The following RORA variants were observed in gnomAD, a reference collection of about 807,000 sequenced individuals.
RORA encodes the protein nuclear receptor ROR-alpha.
In RORA, 7 loss-of-function variants were observed where a neutral mutation model predicts 69.5. That is an observed-to-expected ratio of 0.10 (90% CI 0.06 to 0.19). RORA has a LOEUF of 0.19. Among genes scored for constraint, RORA ranks in the 10% least tolerant of loss-of-function variants. The pLI, the probability that RORA is intolerant of heterozygous loss-of-function variation, is 1.00. For missense variants in RORA, 457 were observed against 663.0 expected (o/e 0.69, Z 3.41); for synonymous variants, 261 against 240.8 (o/e 1.08, Z -0.78).
At position 61,147,766 on chromosome 15, in the gene RORA, C is replaced by CGTGTGT. The variant is rs10523030; in HGVS notation, c.166+81281_166+81286dup. Among the ~76,000 whole-genome samples, 3,319 of 147,650 alleles carry CGTGTGT rather than the reference C, an allele frequency of 0.022. 44 individuals carry two copies. The highest frequency in any genetic ancestry group is 0.08 in the Middle Eastern group (23 of 288). On this transcript the variant is annotated intron_variant, in intron 1 of 10. Coordinates refer to ENST00000335670, the MANE Select transcript of RORA (RefSeq NM_134261.3). The surrounding 1 kb of genome is among the most constrained non-coding windows in gnomAD (Gnocchi z 4.1). ...TGGTCAGTAGGCACGTGCGCACACG[C>CGTGTGT]GTGTGTGTGTGTGTGTGTGTGTGTG...
intron 2 of RORA, among the ~76,000 whole-genome samples, chr15:60,673,931 G>T (rs1444691602): frequency 6.6e-6 from 1 of 152,228 alleles, no homozygotes; most frequent in Non-Finnish European, 1.5e-5. Context: ...ATAGCTGGTA[G>T]CCTTGGTAAG....
intron 2 of RORA, among the ~76,000 whole-genome samples, chr15:60,629,520 A>G (rs1275391507): frequency 6.6e-6 from 1 of 152,236 alleles, no homozygotes; most frequent in Non-Finnish European, 1.5e-5. Flanking sequence ...GTCTTGCTGT[A>G]TCAATGAATG....
chr15:60,513,623 T>C (rs1399794184), intron 4 of RORA, among the ~76,000 whole-genome samples: 19 of 152,204 alleles, frequency 1.2e-4, no homozygotes, highest in Non-Finnish European at 1.0e-4. Context: ...CACAGGAATT[T>C]CTGAGAATAT....
In RORA at chr15:60,903,551, G is replaced by A. The variant is rs1406336112; in HGVS notation, c.167-224865C>T. On this transcript the variant is annotated intron_variant, in intron 1 of 10. Transcript: ENST00000335670. The stretch of plus-strand genomic sequence containing the variant: ...CCAAAGCACACGATAGGGTACCAAT[G>A]TTCAAGGCTCTGCTTTATTTTGAAA... Among the ~76,000 whole-genome samples the A allele has an allele frequency of 2.6e-5, 4 of 152,174 alleles. No homozygotes were observed. The East Asian group carries it at 5.8e-4, about 22-fold the overall frequency.
At chr15:60,601,861 A>G (rs1459265230) in intron 2 of RORA, among the ~76,000 whole-genome samples, 1 of 152,130 alleles carries the variant, frequency 6.6e-6, no homozygotes, top group Admixed American at 6.5e-5. Context: ...CAGTACATAC[A>G]TAGCCCTGGG....
rs1891510530 is a variant in RORA, at chr15:60,905,457, A to G, written c.167-226771T>C. On this transcript the variant is annotated intron_variant, in intron 1 of 10. Coordinates refer to ENST00000335670, the MANE Select transcript of RORA (RefSeq NM_134261.3). The surrounding 1 kb of genome is among the most constrained non-coding windows in gnomAD (Gnocchi z 4.8). ...CCACTGTGCTTCCTTTCAAGTGACA[A>G]GAGTTGTGACAGCTGCTCTATAAGG... Among the ~76,000 whole-genome samples the G allele has an allele frequency of 6.6e-6, 1 of 152,132 alleles. No individual in the cohort carries two copies. Among genetic ancestry groups the G allele is most frequent in the East Asian group, 1.9e-4 (1 of 5,188 alleles).
chr15:60,503,780 G>T, intron 6 of RORA, 113 bp from the exon 7 acceptor site: 1 of 1,242,066 alleles, frequency 8.1e-7, no homozygotes, highest in Non-Finnish European at 1.1e-6. Context: ...GGGCCACGAA[G>T]AGTGGCAAAG....
intron 1 of RORA, among the ~76,000 whole-genome samples, chr15:61,066,692 T>C (rs2078264652): frequency 6.6e-6 from 1 of 151,718 alleles, no homozygotes; most frequent in Non-Finnish European, 1.5e-5. Flanking sequence ...CCTCCCAAAG[T>C]GCTGGGATTA....
intron 2 of RORA, among the ~76,000 whole-genome samples, chr15:60,593,710 T>G (rs1349447933): frequency 2.6e-5 from 4 of 152,208 alleles, no homozygotes; most frequent in African/African-American, 9.7e-5. Context: ...TGCGGTTCCT[T>G]CACGAAATTT....
chr15:60,896,861 G>T (rs144698564), intron 1 of RORA, among the ~76,000 whole-genome samples: 8 of 151,532 alleles, frequency 5.3e-5, no homozygotes, highest in African/African-American at 1.9e-4. Context: ...TAACCTCTAA[G>T]AGGCTCAGCT....
chr15:61,140,785 G>GA (rs2079290498), intron 1 of RORA, among the ~76,000 whole-genome samples: 1 of 152,142 alleles, frequency 6.6e-6, no homozygotes, highest in Non-Finnish European at 1.5e-5. Context: ...CAGTGGCGGG[G>GA]GGTCAGGGGG....
chr15:60,531,969 T>C lies in RORA; in HGVS notation c.197-118A>G, dbSNP rs1037542336. 1.7e-6 allele frequency: 1 copy of C among 593,736 alleles called. No homozygotes were observed. The highest frequency in any genetic ancestry group is 2.0e-5 in the African/African-American group (1 of 50,944). 36.8% of individuals were successfully genotyped at this position (593,736 alleles called of 1,614,324 possible). ...TAACCTGCTAAACATTATACTGCAT[T>C]AACTATTCATTGCTGAACTGTGAGG... On this transcript the variant is annotated intron_variant, in intron 2 of 10. Coordinates refer to ENST00000335670, the MANE Select transcript of RORA (RefSeq NM_134261.3). The surrounding 1 kb of genome is among the most constrained non-coding windows in gnomAD (Gnocchi z 4.8).
In RORA at chr15:60,787,600, T is replaced by C. The variant is rs1052726863; in HGVS notation, c.167-108914A>G. Among the ~76,000 whole-genome samples, 4 of 152,326 alleles carry C rather than the reference T, an allele frequency of 2.6e-5. No homozygotes were observed. The South Asian group carries it at 8.3e-4, about 32-fold the overall frequency. Reference sequence around the variant, plus strand: ...TTCTGCAACCCATACTGAGCACTTATAAAGGCCAGGCCCTGTGAGAGATAC... The same window carrying C: ...TTCTGCAACCCATACTGAGCACTTACAAAGGCCAGGCCCTGTGAGAGATAC... On this transcript the variant is annotated intron_variant, in intron 1 of 10. Transcript: ENST00000335670.
At chr15:61,197,316 A>G (rs568253370) in intron 1 of RORA, among the ~76,000 whole-genome samples, 18 of 152,240 alleles carry the variant, frequency 1.2e-4, no homozygotes, top group Non-Finnish European at 2.4e-4. Context: ...GTTGCCTTAC[A>G]GGGAGAACAA....
intron 1 of RORA, among the ~76,000 whole-genome samples, chr15:61,161,848 A>T (rs2079498734): frequency 6.6e-6 from 1 of 152,184 alleles, no homozygotes; most frequent in Non-Finnish European, 1.5e-5. Context: ...GGGTCCAAAT[A>T]AAAATACAAT....
chr15:60,499,359 C>A (rs558922693), intron 10 of RORA, among the ~76,000 whole-genome samples: 1 of 152,044 alleles, frequency 6.6e-6, no homozygotes, highest in Non-Finnish European at 1.5e-5. Flanking sequence ...TAGCAAGATA[C>A]CCATCTCTAC....
In RORA at chr15:61,138,715, G is replaced by C. The variant is rs539080093; in HGVS notation, c.166+90338C>G. Reference sequence around the variant, plus strand: ...TCTGTGGAACGTCTGTGCCCCTCGGGACATCAAGAGGTGCTCTGAGGGGGA... The same window carrying C: ...TCTGTGGAACGTCTGTGCCCCTCGGCACATCAAGAGGTGCTCTGAGGGGGA... On this transcript the variant is annotated intron_variant, in intron 1 of 10. Coordinates refer to ENST00000335670, the MANE Select transcript of RORA (RefSeq NM_134261.3). 1.8e-4 allele frequency among the ~76,000 whole-genome samples: 27 copies of C among 152,044 alleles called. No individual in the cohort carries two copies. In the East Asian group the frequency reaches 4.6e-3, roughly 26 times the overall value.
rs1567071311 is a variant in RORA at position 60,540,567 on chromosome 15, C to CT, written c.197-8717_197-8716insA. 2.5e-4 allele frequency among the ~76,000 whole-genome samples: 12 copies of CT among 48,046 alleles called. 1 individual carries two copies. Among genetic ancestry groups the CT allele is most frequent in the South Asian group, 3.1e-3 (2 of 652 alleles). The allele number at this position is 48,046 out of a possible 152,430, so 31.5% of individuals were successfully genotyped here. On this transcript the variant is annotated intron_variant, in intron 2 of 10. Coordinates refer to ENST00000335670, the MANE Select transcript of RORA (RefSeq NM_134261.3). Reference sequence around the variant, plus strand: ...TTCCACCTGCACAATTTCCATGACCCCCCCCCCCCAAAACTGTGCGGTCAC... The same window carrying CT: ...TTCCACCTGCACAATTTCCATGACCCTCCCCCCCCCAAAACTGTGCGGTCAC...
chr15:61,042,331 T>G (rs1265600482), intron 1 of RORA, among the ~76,000 whole-genome samples: 1 of 152,164 alleles, frequency 6.6e-6, no homozygotes, highest in African/African-American at 2.4e-5. Context: ...AACCTGGAAC[T>G]GTTCCAAGAT....
Sources: gnomAD v4.1 joint callset for allele counts (sites outside exome capture counted in the v4.1 genomes callset) on GRCh38, gnomAD v4.1.1 for gene constraint, Gnocchi (gnomAD v3.1) non-coding constraint, MANE v1.5 for transcripts, NCBI Gene and HGNC (gene_info 2026-07-23, HGNC 2026-07-21) for gene names.